Variants in FILIP1L observed in about 807,000 individuals in gnomAD.
FILIP1L encodes the protein filamin A-interacting protein 1-like.
In FILIP1L, 55 loss-of-function variants were observed where a neutral mutation model predicts 96.6. That is an observed-to-expected ratio of 0.57 (90% CI 0.46 to 0.71). The LOEUF (loss-of-function observed/expected upper bound fraction) is 0.71, where lower values mean the gene tolerates loss of function less well. FILIP1L is among the 30% of genes least tolerant of loss of function. The pLI is 0.00. For missense variants in FILIP1L, 1,304 were observed against 1,321.2 expected (o/e 0.99, Z 0.20); for synonymous variants, 467 against 473.9 (o/e 0.99, Z 0.19).
chr3:99,979,730 A>C (rs1331989188), intron 1 of FILIP1L, among the ~76,000 whole-genome samples: 5 of 152,234 alleles, frequency 3.3e-5, no homozygotes, highest in African/African-American at 1.2e-4. Flanking sequence ...TGGAATAATG[A>C]TAATATTCAT....
chr3:99,835,273 C>G (rs1942850183), intron 5 of FILIP1L, among the ~76,000 whole-genome samples: 1 of 152,208 alleles, frequency 6.6e-6, no homozygotes, highest in Non-Finnish European at 1.5e-5. Flanking sequence ...CCTTATGCTA[C>G]TTTGTCTGGT....
chr3:100,107,960 G>C (rs1374448273), intron 1 of FILIP1L, among the ~76,000 whole-genome samples: 1 of 151,112 alleles, frequency 6.6e-6, no homozygotes, highest in Non-Finnish European at 1.5e-5. Context: ...TTCTAACATC[G>C]GTCAAGAAAA....
At chr3:99,842,696 C>G (rs1943191241) in intron 5 of FILIP1L, among the ~76,000 whole-genome samples, 1 of 152,014 alleles carries the variant, frequency 6.6e-6, no homozygotes, top group Admixed American at 6.6e-5. Flanking sequence ...TAAATGATGC[C>G]ACAAATAAAA....
chr3:100,001,335 G>T (rs1327018180), intron 1 of FILIP1L, among the ~76,000 whole-genome samples: 1 of 152,190 alleles, frequency 6.6e-6, no homozygotes, highest in African/African-American at 2.4e-5. Context: ...GTGACGCAGT[G>T]TCAGAGGTGA....
At position 99,848,523 on chromosome 3, in the gene FILIP1L, G is replaced by T. The variant is rs1181312640; in HGVS notation, c.3153C>A (p.Ser1051Arg). The part of the protein sequence containing the change: ...SWQFQRSNSN[S>R]SSVITTEDNK... ...TATCCTCAGTAGTTATCACACTTGA[G>T]CTATTGCTGTTTGAACGCTGAAACT... The change falls in exon 5 of 6, where the codon AGC becomes AGA. Residue 1051 changes from serine (S) to arginine (R), a missense_variant. Physicochemically the swap from Ser to Arg is moderately radical, Grantham distance 110. Transcript: ENST00000477258. 6.2e-7 allele frequency: 1 copy of T among 1,614,194 alleles called. No homozygotes were observed. The highest frequency in any genetic ancestry group is 8.5e-7 in the Non-Finnish European group (1 of 1,180,028).
chr3:99,969,518 C>G (rs1015558566), intron 1 of FILIP1L, among the ~76,000 whole-genome samples: 49 of 152,056 alleles, frequency 3.2e-4, no homozygotes, highest in Admixed American at 2.4e-3. Flanking sequence ...TGAATTGATT[C>G]TAAAGATATT....
At chr3:100,020,115 A>G (rs1310317662) in intron 1 of FILIP1L, among the ~76,000 whole-genome samples, 1 of 152,158 alleles carries the variant, frequency 6.6e-6, no homozygotes, top group Admixed American at 6.5e-5. Context: ...ATACCTTGTA[A>G]TTTTATTTTC....
At chr3:99,941,481 T>C (rs1038919948) in intron 1 of FILIP1L, among the ~76,000 whole-genome samples, 11 of 152,108 alleles carry the variant, frequency 7.2e-5, no homozygotes, top group South Asian at 2.1e-4. Context: ...AGGTAGAAGG[T>C]GGATGAAAAA....
intron 1 of FILIP1L, among the ~76,000 whole-genome samples, chr3:100,086,113 A>C (rs2066004269): frequency 6.6e-6 from 1 of 152,252 alleles, no homozygotes; most frequent in African/African-American, 2.4e-5. Flanking sequence ...TGAAATAAAC[A>C]TGTATCTTTC....
At chr3:100,044,677 C>A (rs1383244660) in intron 1 of FILIP1L, among the ~76,000 whole-genome samples, 1 of 152,094 alleles carries the variant, frequency 6.6e-6, no homozygotes, top group Non-Finnish European at 1.5e-5. Context: ...AATGAGTAAC[C>A]ATTGAAAGAT....
At chr3:100,039,340 C>T (rs1212117282) in intron 1 of FILIP1L, among the ~76,000 whole-genome samples, 1 of 152,118 alleles carries the variant, frequency 6.6e-6, no homozygotes, top group African/African-American at 2.4e-5. Flanking sequence ...CAAGACTCAC[C>T]TGCTACAGGA....
chr3:99,966,448 T>C (rs968219338), intron 1 of FILIP1L, among the ~76,000 whole-genome samples: 21 of 152,210 alleles, frequency 1.4e-4, no homozygotes, highest in African/African-American at 5.1e-4. Flanking sequence ...TAGATATAAT[T>C]CAGTCTAGAA....
intron 1 of FILIP1L, among the ~76,000 whole-genome samples, chr3:100,047,058 C>A (rs1250335785): frequency 3.9e-5 from 6 of 152,204 alleles, no homozygotes; most frequent in African/African-American, 1.4e-4. Context: ...GTATTGTCCT[C>A]AGGTTTTGAA....
intron 4 of FILIP1L, among the ~76,000 whole-genome samples, chr3:99,885,233 A>G (rs1454725309): frequency 6.6e-6 from 1 of 152,246 alleles, no homozygotes; most frequent in African/African-American, 2.4e-5. Flanking sequence ...TAGTAATACC[A>G]AAGAGACTCT....
chr3:99,991,511 G>A (rs1709509290), intron 1 of FILIP1L, among the ~76,000 whole-genome samples: 1 of 151,782 alleles, frequency 6.6e-6, no homozygotes, highest in Non-Finnish European at 1.5e-5. Flanking sequence ...TGCATATATT[G>A]CATCATGGTC....
At chr3:99,948,086 G>A (rs1708063319) in intron 1 of FILIP1L, among the ~76,000 whole-genome samples, 1 of 152,172 alleles carries the variant, frequency 6.6e-6, no homozygotes. Flanking sequence ...GATTTATAGA[G>A]TATGTCATCA....
chr3:100,004,133 C>T (rs1382410772), intron 1 of FILIP1L, among the ~76,000 whole-genome samples: 4 of 152,062 alleles, frequency 2.6e-5, no homozygotes, highest in African/African-American at 9.7e-5. Context: ...ATGATGCCTT[C>T]CTAGGGGATT....
At chr3:99,974,850 A>G (rs1708923948) in intron 1 of FILIP1L, among the ~76,000 whole-genome samples, 1 of 152,242 alleles carries the variant, frequency 6.6e-6, no homozygotes, top group African/African-American at 2.4e-5. Flanking sequence ...ACATTTCCAT[A>G]TTCTCTTTCC....
intron 1 of FILIP1L, among the ~76,000 whole-genome samples, chr3:100,081,682 T>A (rs965330048): frequency 3.3e-5 from 5 of 152,226 alleles, no homozygotes; most frequent in Non-Finnish European, 7.3e-5. Flanking sequence ...AGGGATTTTT[T>A]AAAATATATC....
Sources: gnomAD v4.1 joint callset for allele counts (sites outside exome capture counted in the v4.1 genomes callset) on GRCh38, gnomAD v4.1.1 for gene constraint, MANE v1.5 for transcripts, NCBI Gene and HGNC (gene_info 2026-07-23, HGNC 2026-07-21) for gene names.